HSPG2: variants seen among roughly 807,000 people sequenced by gnomAD.
HSPG2 encodes heparan sulfate proteoglycan 2.
Under a neutral mutation model 526.6 loss-of-function variants are expected in HSPG2, and 278 were observed. The ratio of observed to expected loss-of-function variants is 0.53; its 90% CI spans 0.48 to 0.58. The LOEUF (loss-of-function observed/expected upper bound fraction) is 0.58, where lower values mean the gene tolerates loss of function less well. Ranked by LOEUF, HSPG2 falls within the 20% of genes least tolerant of loss-of-function variation. The probability of loss-of-function intolerance (pLI) is 0.00; values close to 1 mark genes in which losing one functional copy is unlikely to be tolerated. For synonymous variants in HSPG2, 2,465 were observed against 2,555.4 expected (o/e 0.96, Z 1.07); for missense variants, 5,354 against 6,099.5 (o/e 0.88, Z 4.07).
chr1:21,871,266 T>TG (rs1361947716), intron 33 of HSPG2, among the ~76,000 whole-genome samples: 10 of 147,806 alleles, frequency 6.8e-5, no homozygotes, highest in Admixed American at 3.4e-4. Context: ...TTGTTTTTTT[T>TG]TTTTTTTTTT....
At chr1:21,844,368 C>A in intron 64 of HSPG2, 69 bp from the exon 65 acceptor site, 1 of 1,523,700 alleles carries the variant, frequency 6.6e-7, no homozygotes, top group Non-Finnish European at 8.9e-7. Flanking sequence ...CCCCTGGGGC[C>A]CAGATACTAG....
chr1:21,825,063 G>C, intron 91 of HSPG2: 1 of 489,934 alleles, frequency 2.0e-6, no homozygotes, highest in Non-Finnish European at 3.8e-6. Context: ...CTGCAACTTT[G>C]TTACTAGTAT....
chr1:21,861,676 T>C, intron 39 of HSPG2, 81 bp downstream of exon 39: 1 of 1,306,230 alleles, frequency 7.7e-7, no homozygotes. Flanking sequence ...GAGACTTTTC[T>C]GAGCAACACC....
Position 21,860,447 on chromosome 1 carries a change from TG to T in HSPG2, c.4956-213del, listed in dbSNP as rs1639698826. The stretch of plus-strand genomic sequence containing the variant: ...AAGGGAGTGTTAGCAGGTTGGGTGA[TG>T]AGAGAGGTAAGGTCTCTATTCTCCA... On this transcript the variant is annotated intron_variant, in intron 39 of 96. Transcript: ENST00000374695. Among the ~76,000 whole-genome samples, 6 of 152,062 alleles carry T rather than the reference TG, an allele frequency of 3.9e-5. No individual in the cohort carries two copies. In the South Asian group the frequency reaches 1.2e-3, roughly 32 times the overall value.
chr1:21,927,689 C>A (rs1362196823), intron 1 of HSPG2, among the ~76,000 whole-genome samples: 8 of 152,300 alleles, frequency 5.3e-5, no homozygotes, highest in Non-Finnish European at 1.2e-4. Flanking sequence ...CAGGCCACAC[C>A]CTGGGGTGTG....
rs1449943544 is a variant in HSPG2 at position 21,901,827 on chromosome 1, T to C, written c.64-5517A>G. ...GCTCCTGCCTGCCCACCTGCCTCCC[T>C]GCCACGGTCACCACAGGCTCTGCCT... On this transcript the variant is annotated intron_variant, in intron 1 of 96. Transcript: ENST00000374695. Among the ~76,000 whole-genome samples the C allele has an allele frequency of 2.6e-5, 4 of 152,142 alleles. No individual in the cohort carries two copies. In the East Asian group the frequency reaches 7.7e-4, roughly 29 times the overall value.
chr1:21,863,060 CAAAA>C lies in HSPG2; in HGVS notation c.4741-949_4741-946del, dbSNP rs60890297. Among the ~76,000 whole-genome samples the C allele has an allele frequency of 1.0e-2, 312 of 31,242 alleles. 17 individuals are homozygous for C. Among genetic ancestry groups the C allele is most frequent in the African/African-American group, 0.042 (284 of 6,732 alleles). 20.5% of individuals were successfully genotyped at this position (31,242 alleles called of 152,430 possible). ...GGGTGACAAAAGCGAGACTCCATCT[CAAAA>C]AAAAAAAAAAAAAAAAAAAAAAAAG... is the stretch of plus-strand genomic sequence containing the variant. On this transcript the variant is annotated intron_variant, in intron 37 of 96. Coordinates refer to ENST00000374695, the MANE Select transcript of HSPG2 (RefSeq NM_005529.7).
chr1:21,880,110 G>C lies in HSPG2; in HGVS notation c.2340C>G (p.Cys780Trp). 6.2e-7 allele frequency: 1 copy of C among 1,614,110 alleles called. No individual in the cohort carries two copies. The highest frequency in any genetic ancestry group is 8.5e-7 in the Non-Finnish European group (1 of 1,180,010). ...AGTGTCTGCTGGCACTACTCACCAG[G>C]CAGTGGCCATACACAGGGTCACAGG... Reference protein sequence around the residue: ...ASSCDPVYGHCLNCQHNTEGP... With the variant: ...ASSCDPVYGHWLNCQHNTEGP... The change falls in exon 17 of 97, where the codon TGC becomes TGG. Residue 780 changes from cysteine to tryptophan, a missense_variant. Cys to Trp is a radical substitution (Grantham distance 215, BLOSUM62 -2). Coordinates refer to ENST00000374695, the MANE Select transcript of HSPG2 (RefSeq NM_005529.7).
chr1:21,874,908 G>T lies in HSPG2; in HGVS notation c.3397C>A (p.Arg1133Ser), dbSNP rs747640970. 1 of 1,612,078 alleles carries T rather than the reference G, an allele frequency of 6.2e-7. No individual in the cohort carries two copies. The highest frequency in any genetic ancestry group is 1.7e-5 in the Admixed American group (1 of 59,872). Residue 1133 changes from arginine to serine, a missense_variant, in exon 26 of 97, where the codon CGT (arginine) becomes AGT (serine). Transcript: ENST00000374695. ...GGACTCACCTGGCAGGACGGCCCAC[G>T]GTACCCGGGTGGGCAGGAGCACTGT... ...VEQCSCPPGY[R>S]GPSCQDCDTG...
chr1:21,902,863 T>C (rs12744726), intron 1 of HSPG2, among the ~76,000 whole-genome samples: 43,041 of 152,094 alleles, frequency 0.28, 6,690 homozygotes, highest in East Asian at 0.39. Flanking sequence ...CTTTACCTTT[T>C]AGCTAACTTT....
At chr1:21,885,485 A>T in intron 9 of HSPG2, 34 bp from the exon 10 acceptor site, 3 of 1,612,068 alleles carry the variant, frequency 1.9e-6, no homozygotes, top group Non-Finnish European at 2.5e-6. Context: ...CCAATAGCCC[A>T]CCCCGTCCAT....
rs1007421660 is a variant in HSPG2, at chr1:21,851,882, A to G, written c.6915T>C (p.Asp2305=). Residue 2305 remains aspartate (D), a synonymous_variant, in exon 54 of 97, where the codon GAT becomes GAC. Transcript: ENST00000374695. ...RLYIFQASPA[D]AGQYVCRASN... ...TGGCCCGGCAGACGTACTGTCCCGC[A>G]TCGGCAGGTGAGGCCTGGAAGATGT... The G allele has an allele frequency of 1.4e-5, 23 of 1,612,226 alleles. No individual in the cohort carries two copies. The highest frequency in any genetic ancestry group is 1.8e-5 in the Non-Finnish European group (21 of 1,179,554).
Position 21,890,634 on chromosome 1 carries a change from T to A in HSPG2, c.305A>T (p.Asp102Val). Residue 102 changes from aspartate (D) to valine (V), a missense_variant, in exon 4 of 97, where the codon GAT becomes GTT. Asp to Val is a radical substitution (Grantham distance 152, BLOSUM62 -3). Coordinates refer to ENST00000374695, the MANE Select transcript of HSPG2 (RefSeq NM_005529.7). This position sits in a 1 kb window ranked among gnomAD's most constrained non-coding sequence, Gnocchi z 4.1. ...RSIEYSPQLE[D>V]AGSREFREVS... is the part of the protein sequence containing the mutation. ...CTCTCGGAACTCTCTGGAGCCTGCA[T>A]CCTCCAGCTGAGGGCTGTACTCGAT... 1 of 1,613,908 alleles carries A rather than the reference T, an allele frequency of 6.2e-7. No homozygotes were observed. The highest frequency in any genetic ancestry group is 8.5e-7 in the Non-Finnish European group (1 of 1,179,872).
At chr1:21,855,160 T>A in intron 47 of HSPG2, 144 bp downstream of exon 47, 1 of 1,343,040 alleles carries the variant, frequency 7.4e-7, no homozygotes, top group Non-Finnish European at 1.0e-6. Context: ...CCTGCTGGGA[T>A]GCAGGGGCAG....
chr1:21,900,330 G>A (rs1643028323), intron 1 of HSPG2, among the ~76,000 whole-genome samples: 1 of 152,220 alleles, frequency 6.6e-6, no homozygotes, highest in South Asian at 2.1e-4. Flanking sequence ...ATTGCTTGGG[G>A]CTGGGATGCA....
chr1:21,854,940 G>A lies in HSPG2; in HGVS notation c.6041C>T (p.Ala2014Val). ...RTDIATLLIP[A>V]ITTADAGFYL... ...GAAGCCGGCGTCAGCAGTCGTGATGGCTGGGATGAGCAGTGTCGCGATGTC... is the reference window on the plus strand; with the variant it reads ...GAAGCCGGCGTCAGCAGTCGTGATGACTGGGATGAGCAGTGTCGCGATGTC... Residue 2014 changes from alanine to valine, a missense_variant, in exon 48 of 97, where the codon GCC (alanine) becomes GTC (valine). Transcript: ENST00000374695. The A allele has an allele frequency of 6.2e-7, 1 of 1,614,050 alleles. No homozygotes were observed. Among genetic ancestry groups the A allele is most frequent in the Non-Finnish European group, 8.5e-7 (1 of 1,180,038 alleles).
intron 13 of HSPG2, among the ~76,000 whole-genome samples, chr1:21,884,188 C>T (rs1017650201): frequency 1.5e-4 from 23 of 152,170 alleles, no homozygotes; most frequent in African/African-American, 4.8e-4. Flanking sequence ...TTCCACACCC[C>T]CCGACTTTAC....
chr1:21,852,759 CCCA>C lies in HSPG2; in HGVS notation c.6662_6664del (p.Val2221del). ...TGAGGCCTCTAGGGGGCCGGAGGTG[CCCA>C]CCACATGGCACACATACTCGCCTGA... On this transcript the variant is annotated inframe_deletion, in exon 52 of 97. Transcript: ENST00000374695. The C allele has an allele frequency of 6.2e-7, 1 of 1,613,300 alleles. No homozygotes were observed. The highest frequency in any genetic ancestry group is 1.1e-5 in the South Asian group (1 of 91,080).
In HSPG2 at chr1:21,828,150, C is replaced by T. The variant is rs373674942; in HGVS notation, c.12412G>A (p.Asp4138Asn). ...GGGTTCTCCTCGTGCTCACACAGGT[C>T]TCCTGTGGGCCAGGGCAGAGGCGAG... ...QCLCRDGFKG[D>N]LCEHEENPCQ... Residue 4138 changes from aspartate (D) to asparagine (N), a missense_variant and splice_region_variant, in exon 90 of 97, where the codon GAC becomes AAC. Asp to Asn is a conservative substitution (Grantham distance 23). Coordinates refer to ENST00000374695, the MANE Select transcript of HSPG2 (RefSeq NM_005529.7). The surrounding 1 kb of genome is among the most constrained non-coding windows in gnomAD (Gnocchi z 6.0). The T allele has an allele frequency of 2.6e-5, 42 of 1,611,736 alleles. No homozygotes were observed. In the African/African-American group the frequency reaches 4.7e-4, roughly 18 times the overall value.
Sources: gnomAD v4.1 joint callset for allele counts (sites outside exome capture counted in the v4.1 genomes callset) on GRCh38, gnomAD v4.1.1 for gene constraint, Gnocchi (gnomAD v3.1) non-coding constraint, MANE v1.5 for transcripts, NCBI Gene and HGNC (gene_info 2026-07-23, HGNC 2026-07-21) for gene names.